ADCK2: variants seen among roughly 807,000 people sequenced by gnomAD.
ADCK2 encodes the protein aarF domain containing kinase 2.
In ADCK2, 37 loss-of-function variants were observed where a neutral mutation model predicts 52.3. The ratio of observed to expected loss-of-function variants is 0.71; its 90% CI spans 0.54 to 0.93. The LOEUF is 0.93. Ranked by LOEUF, ADCK2 falls within the 40% of genes least tolerant of loss-of-function variation. The pLI is 0.00. For synonymous variants in ADCK2, 321 were observed against 349.2 expected (o/e 0.92, Z 0.90); for missense variants, 695 against 798.7 (o/e 0.87, Z 1.56).
At chr7:140,682,564 A>G (rs528765323) in intron 4 of ADCK2, among the ~76,000 whole-genome samples, 1 of 152,296 alleles carries the variant, frequency 6.6e-6, no homozygotes, top group Admixed American at 6.5e-5. Context: ...AAGGGCAGAT[A>G]AGTTCATTTT....
chr7:140,681,188 G>T, intron 4 of ADCK2, 51 bp downstream of exon 4: 1 of 1,562,618 alleles, frequency 6.4e-7, no homozygotes, highest in Non-Finnish European at 8.8e-7. Context: ...TCAGCTTGCA[G>T]ATGGGGAGTG....
intron 5 of ADCK2, among the ~76,000 whole-genome samples, chr7:140,687,882 T>G (rs1312200688): frequency 2.6e-5 from 4 of 151,522 alleles, no homozygotes; most frequent in Non-Finnish European, 4.4e-5. Flanking sequence ...TAGTTTTTTT[T>G]TTTTTTTTTT....
In ADCK2 at chr7:140,686,881, G is replaced by A. The variant is rs780465674; in HGVS notation, c.1306-109G>A. The A allele has an allele frequency of 5.7e-4, 813 of 1,434,666 alleles. 1 individual carries two copies. The highest frequency in any genetic ancestry group is 7.2e-4 in the Non-Finnish European group (753 of 1,048,422). 88.9% of individuals were successfully genotyped at this position (1,434,666 alleles called of 1,614,324 possible). A position where few individuals can be genotyped will look rare whatever the true frequency, so the allele number is the denominator to read the frequency against. Reference sequence around the variant, plus strand: ...GTCTATAGGACATGCACCTCTTTGCGGCTGTGATAGAGTGCTGGGAGCTTA... The same window carrying A: ...GTCTATAGGACATGCACCTCTTTGCAGCTGTGATAGAGTGCTGGGAGCTTA... On this transcript the variant is annotated intron_variant, in intron 4 of 7. Transcript: ENST00000072869.
chr7:140,687,809 T>A (rs1413528130), intron 5 of ADCK2, among the ~76,000 whole-genome samples: 1 of 150,772 alleles, frequency 6.6e-6, no homozygotes, highest in Admixed American at 6.6e-5. Context: ...GCTCAGGAGT[T>A]TGGGGCTGTG....
chr7:140,679,248 T>G lies in ADCK2; in HGVS notation c.1174T>G (p.Phe392Val), dbSNP rs1373610949. ...AVKFPTPLRPFVTREVLVETY... is the reference protein window; with the variant it reads ...AVKFPTPLRPVVTREVLVETY... ...CAAGTTCCCCACCCCTCTGCGCCCC[T>G]TTGTCACCAGAGAAGTCTTGGTGGA... Residue 392 changes from phenylalanine to valine, a missense_variant, in exon 3 of 8, where the codon TTT becomes GTT. Physicochemically the swap from Phe to Val is conservative, Grantham distance 50 (BLOSUM62 -1). Transcript: ENST00000072869. 1.2e-6 allele frequency: 2 copies of G among 1,611,546 alleles called. No homozygotes were observed. The highest frequency in any genetic ancestry group is 1.7e-6 in the Non-Finnish European group (2 of 1,177,946).
At chr7:140,689,772 C>G (rs777606723) in intron 6 of ADCK2, 47 bp downstream of exon 6, 1 of 1,553,526 alleles carries the variant, frequency 6.4e-7, no homozygotes, top group Non-Finnish European at 8.7e-7. Context: ...CCATACCTGG[C>G]CTGGGGCAGA....
chr7:140,694,801 T>G lies in ADCK2; in HGVS notation c.1879T>G (p.Ter627GlyextTer52), dbSNP rs758810980. ...CCTCACGGGCCCAGTGTGCCCCCCG[T>G]GATGGGGCAGTGGCCTCTGTGGGCC... ...FLLTGPVCPP[*>G] The change falls in exon 8 of 8, where the codon TGA (stop) becomes GGA (glycine). Residue 627 changes from the stop codon to glycine, a stop_lost. Coordinates refer to ENST00000072869, the MANE Select transcript of ADCK2 (RefSeq NM_052853.4). 1.2e-5 allele frequency: 20 copies of G among 1,612,260 alleles called. No homozygotes were observed. Among genetic ancestry groups the G allele is most frequent in the Admixed American group, 1.7e-5 (1 of 59,808 alleles).
intron 2 of ADCK2, 50 bp from the exon 3 acceptor site, chr7:140,679,105 T>C (rs1272326938): frequency 1.7e-5 from 28 of 1,600,828 alleles, no homozygotes; most frequent in Non-Finnish European, 2.3e-5. Flanking sequence ...CAGATGTCAC[T>C]GTGCCTGTAC....
rs1794741313 is a variant in ADCK2, at chr7:140,693,486, T to C, written c.1741-1177T>C. On this transcript the variant is annotated intron_variant, in intron 7 of 7. Coordinates refer to ENST00000072869, the MANE Select transcript of ADCK2 (RefSeq NM_052853.4). The surrounding 1 kb of genome is among the most constrained non-coding windows in gnomAD (Gnocchi z 4.0). Reference sequence around the variant, plus strand: ...ACCTTCTGTCCACTTAAAAAGCAGATTCCTGTTCTTCTAGGTTTACATCTG... The same window carrying C: ...ACCTTCTGTCCACTTAAAAAGCAGACTCCTGTTCTTCTAGGTTTACATCTG... Among the ~76,000 whole-genome samples the C allele has an allele frequency of 6.6e-6, 1 of 152,244 alleles. No individual in the cohort carries two copies. Among genetic ancestry groups the C allele is most frequent in the Non-Finnish European group, 1.5e-5 (1 of 68,038 alleles).
rs777911509 is a variant in ADCK2 at position 140,674,192 on chromosome 7, G to A, written c.862G>A (p.Ala288Thr). 1 of 1,612,958 alleles carries A rather than the reference G, an allele frequency of 6.2e-7. No individual in the cohort carries two copies. Among genetic ancestry groups the A allele is most frequent in the Admixed American group, 1.7e-5 (1 of 59,956 alleles). Residue 288 changes from alanine (A) to threonine (T), a missense_variant, in exon 1 of 8, where the codon GCA becomes ACA. Ala to Thr is a moderately conservative substitution (Grantham distance 58). Coordinates refer to ENST00000072869, the MANE Select transcript of ADCK2 (RefSeq NM_052853.4). This position sits in a 1 kb window ranked among gnomAD's most constrained non-coding sequence, Gnocchi z 4.6. ...TAAAGCTGACCTGGTTGGATCAAATGCAGGGGTGTCTCGGGCTCAGGTCCC... is the reference window on the plus strand; with the variant it reads ...TAAAGCTGACCTGGTTGGATCAAATACAGGGGTGTCTCGGGCTCAGGTCCC... ...LPKADLVGSN[A>T]GVSRAQVPGH...
At chr7:140,689,063 G>A (rs951286678) in intron 5 of ADCK2, among the ~76,000 whole-genome samples, 1 of 151,804 alleles carries the variant, frequency 6.6e-6, no homozygotes, top group Admixed American at 6.6e-5. Flanking sequence ...TACCTCCCGG[G>A]TTCAAGTGAT....
intron 2 of ADCK2, among the ~76,000 whole-genome samples, chr7:140,676,146 C>T (rs1403735353): frequency 6.6e-6 from 1 of 152,280 alleles, no homozygotes; most frequent in Non-Finnish European, 1.5e-5. Context: ...ATCAAGGCAT[C>T]GGCAGATTCG....
rs1024393471 is a variant in ADCK2 at position 140,674,535 on chromosome 7, A to T, written c.934-76A>T. On this transcript the variant is annotated intron_variant, in intron 1 of 7. Transcript: ENST00000072869. The surrounding 1 kb of genome is among the most constrained non-coding windows in gnomAD (Gnocchi z 4.6). ...AAGAAGCCACCTGGCTCTTGCTTGGATGGTGGGACCCAGCCCTGGCTGGGT... is the reference window on the plus strand; with the variant it reads ...AAGAAGCCACCTGGCTCTTGCTTGGTTGGTGGGACCCAGCCCTGGCTGGGT... 30 of 1,522,242 alleles carry T rather than the reference A, an allele frequency of 2.0e-5. No individual in the cohort carries two copies. In the Admixed American group the frequency reaches 2.7e-4, roughly 14 times the overall value. The allele number at this position is 1,522,242 out of a possible 1,614,324, so 94.3% of individuals were successfully genotyped here.
At chr7:140,689,980 A>G (rs756606691) in intron 6 of ADCK2, among the ~76,000 whole-genome samples, 3 of 152,164 alleles carry the variant, frequency 2.0e-5, no homozygotes, top group Non-Finnish European at 4.4e-5. Context: ...GGGACAGCCA[A>G]GCATACAGGG....
At chr7:140,692,876 G>A (rs1416170617) in intron 7 of ADCK2, among the ~76,000 whole-genome samples, 1 of 152,192 alleles carries the variant, frequency 6.6e-6, no homozygotes, top group African/African-American at 2.4e-5. Context: ...TAGGTTTTCT[G>A]GATCATATGG....
intron 4 of ADCK2, among the ~76,000 whole-genome samples, chr7:140,685,245 C>T (rs1794585778): frequency 6.6e-6 from 1 of 151,928 alleles, no homozygotes; most frequent in Non-Finnish European, 1.5e-5. Context: ...GGTCAGGAGT[C>T]TGAGACTAGC....
At chr7:140,680,573 C>T (rs1794499258) in intron 3 of ADCK2, among the ~76,000 whole-genome samples, 12 of 151,942 alleles carry the variant, frequency 7.9e-5, no homozygotes, top group Admixed American at 7.9e-4. Flanking sequence ...GACATCACAT[C>T]TCTTATCTTC....
intron 3 of ADCK2, among the ~76,000 whole-genome samples, chr7:140,679,606 C>A (rs1333651121): frequency 6.7e-6 from 1 of 150,248 alleles, no homozygotes; most frequent in Admixed American, 6.6e-5. Context: ...TGCTGAACAA[C>A]CTTGTGTCAT....
intron 4 of ADCK2, among the ~76,000 whole-genome samples, chr7:140,684,251 C>A (rs546538762): frequency 6.6e-6 from 1 of 152,164 alleles, no homozygotes; most frequent in Non-Finnish European, 1.5e-5. Context: ...CCTTTGTCGT[C>A]AGGCTTCTTA....
Sources: gnomAD v4.1 joint callset for allele counts (sites outside exome capture counted in the v4.1 genomes callset) on GRCh38, gnomAD v4.1.1 for gene constraint, Gnocchi (gnomAD v3.1) non-coding constraint, MANE v1.5 for transcripts, NCBI Gene and HGNC (gene_info 2026-07-23, HGNC 2026-07-21) for gene names.